CCNY: variants seen among roughly 807,000 people sequenced by gnomAD.
CCNY encodes the protein cyclin-Y.
A neutral mutation model predicts 42.8 loss-of-function variants in CCNY; 19 were observed. That is an observed-to-expected ratio of 0.44 (90% confidence interval 0.31 to 0.65). CCNY has a LOEUF of 0.65. CCNY is among the 30% of genes least tolerant of loss of function. CCNY has a pLI of 0.07. For synonymous variants in CCNY, 165 were observed against 162.7 expected (o/e 1.01, Z -0.11); for missense variants, 370 against 437.3 (o/e 0.85, Z 1.37).
intron 3 of CCNY, among the ~76,000 whole-genome samples, chr10:35,295,556 T>C (rs1452812884): frequency 6.6e-6 from 1 of 151,978 alleles, no homozygotes; most frequent in Non-Finnish European, 1.5e-5. Flanking sequence ...AGAAACTCTA[T>C]ACCCATTAAT....
chr10:35,293,026 C>A (rs760974294), intron 3 of CCNY, among the ~76,000 whole-genome samples: 12 of 151,870 alleles, frequency 7.9e-5, no homozygotes, highest in Non-Finnish European at 1.2e-4. Context: ...GTGATCCACC[C>A]GCCTTGGCCT....
intron 7 of CCNY, among the ~76,000 whole-genome samples, chr10:35,536,504 G>A (rs894048443): frequency 8.5e-5 from 13 of 152,184 alleles, no homozygotes; most frequent in South Asian, 4.1e-4. Flanking sequence ...AAGAACACAG[G>A]AAAATGTGGG....
chr10:35,474,177 G>A (rs554312771), intron 1 of CCNY, among the ~76,000 whole-genome samples: 2 of 152,280 alleles, frequency 1.3e-5, no homozygotes, highest in African/African-American at 2.4e-5. Flanking sequence ...TGCTAGCACA[G>A]CAGTCTGAGA....
At position 35,248,372 on chromosome 10, in the gene CCNY, G is replaced by A. The variant is rs113863235; in HGVS notation, c.-114+161G>A. 4.4e-3 allele frequency among the ~76,000 whole-genome samples: 663 copies of A among 152,216 alleles called. 2 individuals carry two copies. Among genetic ancestry groups the A allele is most frequent in the South Asian group, 0.023 (111 of 4,818 alleles). ...GAAAATCAGACTAGGGGCCGGGCGC[G>A]GTGGCTCACGCCTGTAATCCCAGCA... On this transcript the variant is annotated intron_variant, in intron 2 of 11. Transcript: ENST00000374706.
At chr10:35,432,279 G>A (rs1190152564) in intron 1 of CCNY, among the ~76,000 whole-genome samples, 4 of 152,176 alleles carry the variant, frequency 2.6e-5, no homozygotes, top group Non-Finnish European at 5.9e-5. Context: ...TGAGAATAAT[G>A]ATAGCTACCT....
chr10:35,436,091 G>A (rs1277339997), intron 1 of CCNY, among the ~76,000 whole-genome samples: 1 of 152,160 alleles, frequency 6.6e-6, no homozygotes, highest in Non-Finnish European at 1.5e-5. Context: ...GAGTTGGGCA[G>A]GGGTGGGGCA....
At chr10:35,349,491 G>A (rs546759714) in intron 1 of CCNY, among the ~76,000 whole-genome samples, 1 of 152,356 alleles carries the variant, frequency 6.6e-6, no homozygotes, top group South Asian at 2.1e-4. Context: ...GAAGGACAGT[G>A]TGCAAGTTGG....
rs187970484 is a variant in CCNY, at chr10:35,307,650, C to T, written c.-9+57024C>T. On this transcript the variant is annotated intron_variant, in intron 3 of 11. Coordinates refer to the CCNY transcript ENST00000374706. ...GCCATTTTCATCCTTTCAACAACCCCGAAATAAGGTTATATGTATATATAT... is the reference window on the plus strand; with the variant it reads ...GCCATTTTCATCCTTTCAACAACCCTGAAATAAGGTTATATGTATATATAT... Among the ~76,000 whole-genome samples, 656 of 149,652 alleles carry T rather than the reference C, an allele frequency of 4.4e-3. 1 individual carries two copies. The highest frequency in any genetic ancestry group is 0.038 in the Middle Eastern group (11 of 288).
intron 1 of CCNY, among the ~76,000 whole-genome samples, chr10:35,479,931 T>C (rs1251387806): frequency 6.6e-6 from 1 of 151,990 alleles, no homozygotes; most frequent in East Asian, 1.9e-4. Context: ...TTGGCTTCAG[T>C]GTGAAGTTAG....
At chr10:35,305,497 C>T (rs1835595846) in intron 3 of CCNY, among the ~76,000 whole-genome samples, 1 of 152,120 alleles carries the variant, frequency 6.6e-6, no homozygotes, top group African/African-American at 2.4e-5. Context: ...ATACTGTGTT[C>T]ACTGTAACCT....
chr10:35,406,233 A>ATTTATTTTTTTT, intron 1 of CCNY, among the ~76,000 whole-genome samples: 1 of 99,320 alleles, frequency 1.0e-5, no homozygotes, highest in Admixed American at 1.0e-4. Flanking sequence ...TTATTTATTT[A>ATTTATTTTTTTT]TTTATTTATT....
intron 3 of CCNY, among the ~76,000 whole-genome samples, chr10:35,317,146 C>T (rs191724748): frequency 2.0e-5 from 3 of 152,138 alleles, no homozygotes; most frequent in African/African-American, 7.2e-5. Flanking sequence ...TGTGCAGGGC[C>T]CAATTTTTTT....
chr10:35,308,749 A>C (rs1366246569), intron 3 of CCNY, among the ~76,000 whole-genome samples: 1 of 152,232 alleles, frequency 6.6e-6, no homozygotes, highest in Non-Finnish European at 1.5e-5. Flanking sequence ...GAAGGCAGCC[A>C]GACAAAAGGA....
At chr10:35,493,849 C>T (rs1839951725) in intron 2 of CCNY, among the ~76,000 whole-genome samples, 1 of 152,172 alleles carries the variant, frequency 6.6e-6, no homozygotes, top group Non-Finnish European at 1.5e-5. Context: ...TAAATATAAT[C>T]CTTACCCTAG....
At chr10:35,359,800 C>T (rs933863119) in intron 1 of CCNY, among the ~76,000 whole-genome samples, 1 of 152,212 alleles carries the variant, frequency 6.6e-6, no homozygotes, top group Non-Finnish European at 1.5e-5. Flanking sequence ...CCCCCAGATC[C>T]TGGTGACCAC....
intron 1 of CCNY, among the ~76,000 whole-genome samples, chr10:35,346,835 C>T (rs1037640305): frequency 1.1e-4 from 16 of 152,186 alleles, no homozygotes; most frequent in African/African-American, 2.9e-4. Flanking sequence ...CCTTGTTGCC[C>T]GGGCTGGTCT....
chr10:35,310,277 A>G (rs1835668356), intron 3 of CCNY, among the ~76,000 whole-genome samples: 1 of 152,246 alleles, frequency 6.6e-6, no homozygotes, highest in Non-Finnish European at 1.5e-5. Flanking sequence ...TGGCTGAATA[A>G]TAGTCCATCA....
Position 35,464,405 on chromosome 10 carries a change from C to T in CCNY, c.155-18999C>T, listed in dbSNP as rs115842145. ...TCCTTGGGCTCATTTTTTTCACCAG[C>T]GTGCGGTCATAATGGTGTTTTTAAA... On this transcript the variant is annotated intron_variant, in intron 1 of 9. Coordinates refer to ENST00000374704, the MANE Select transcript of CCNY (RefSeq NM_145012.6). 3.1e-3 allele frequency among the ~76,000 whole-genome samples: 472 copies of T among 152,230 alleles called. 1 individual carries two copies. The highest frequency in any genetic ancestry group is 0.01 in the African/African-American group (433 of 41,534).
chr10:35,316,258 G>A (rs1173438553), intron 3 of CCNY: 1 of 152,182 alleles, frequency 6.6e-6, no homozygotes, highest in Non-Finnish European at 1.5e-5. Flanking sequence ...CAGAGCAGGT[G>A]TTTAACCTGA....
Sources: gnomAD v4.1 joint callset for allele counts (sites outside exome capture counted in the v4.1 genomes callset) on GRCh38, gnomAD v4.1.1 for gene constraint, MANE v1.5 for transcripts, NCBI Gene and HGNC (gene_info 2026-07-23, HGNC 2026-07-21) for gene names.